Variants in PHKB observed in about 807,000 individuals in gnomAD.
The protein encoded by PHKB is phosphorylase b kinase regulatory subunit beta.
A neutral mutation model predicts 152.1 loss-of-function variants in PHKB; 122 were observed. The ratio of observed to expected loss-of-function variants is 0.80; its 90% CI spans 0.69 to 0.93. The LOEUF is 0.93. PHKB is among the 40% of genes least tolerant of loss of function. The pLI is 0.00. For synonymous variants in PHKB, 436 were observed against 464.9 expected (o/e 0.94, Z 0.80); for missense variants, 1,304 against 1,328.4 (o/e 0.98, Z 0.29).
chr16:47,588,794 C>T (rs1971978017), intron 9 of PHKB, 111 bp from the exon 10 acceptor site: 1 of 873,364 alleles, frequency 1.1e-6, no homozygotes, highest in African/African-American at 1.6e-5. Context: ...GCAGAGCGTG[C>T]TCACTTTTGA....
chr16:47,557,077 C>T (rs911704571), intron 7 of PHKB, among the ~76,000 whole-genome samples: 6 of 152,086 alleles, frequency 3.9e-5, no homozygotes, highest in Non-Finnish European at 8.8e-5. Context: ...GAAATAATGC[C>T]GCGTATCTAC....
chr16:47,556,430 T>C (rs1163545455), intron 7 of PHKB, among the ~76,000 whole-genome samples: 2 of 152,232 alleles, frequency 1.3e-5, no homozygotes, highest in Non-Finnish European at 2.9e-5. Flanking sequence ...CTTATTATTT[T>C]GAGATATGTC....
intron 7 of PHKB, among the ~76,000 whole-genome samples, chr16:47,556,088 C>T (rs12921850): frequency 6.6e-6 from 1 of 152,090 alleles, no homozygotes; most frequent in African/African-American, 2.4e-5. Flanking sequence ...TTATTGGTGT[C>T]TAAGAATGCT....
chr16:47,591,868 G>C (rs957660527), intron 10 of PHKB, among the ~76,000 whole-genome samples: 1 of 152,106 alleles, frequency 6.6e-6, no homozygotes, highest in Non-Finnish European at 1.5e-5. Flanking sequence ...CACCAAGGCT[G>C]GCAGATTTAG....
chr16:47,602,542 CTT>C (rs34655174), intron 13 of PHKB, among the ~76,000 whole-genome samples: 52 of 122,640 alleles, frequency 4.2e-4, no homozygotes, highest in African/African-American at 7.7e-4. Flanking sequence ...GCTTCTCTTC[CTT>C]TTTTTTTTTT....
At chr16:47,512,578 A>G (rs984430068) in intron 5 of PHKB, among the ~76,000 whole-genome samples, 2 of 152,228 alleles carry the variant, frequency 1.3e-5, no homozygotes, top group African/African-American at 4.8e-5. Context: ...ATGTAATTCC[A>G]AAAGGTATTT....
At chr16:47,559,926 A>G (rs1279513529) in intron 7 of PHKB, among the ~76,000 whole-genome samples, 3 of 152,130 alleles carry the variant, frequency 2.0e-5, no homozygotes, top group Non-Finnish European at 2.9e-5. Flanking sequence ...TTTCTCTCCA[A>G]AAAAAACTTT....
At position 47,547,542 on chromosome 16, in the gene PHKB, A is replaced by G. The variant is rs1017912876; in HGVS notation, c.704A>G (p.His235Arg). The change falls in exon 7 of 31, where the codon CAT becomes CGT. Residue 235 changes from histidine to arginine, a missense_variant. Transcript: ENST00000323584. Reference protein sequence around the residue: ...SKYNNGSTELHSSSVGLAKAA... With the variant: ...SKYNNGSTELRSSSVGLAKAA... ...TATAATAATGGCAGCACAGAGCTAC[A>G]TTCGAGGTAATTTGCTGATTTCTGA... 9.6e-6 allele frequency: 15 copies of G among 1,567,610 alleles called. No individual in the cohort carries two copies. The highest frequency in any genetic ancestry group is 1.2e-5 in the Non-Finnish European group (14 of 1,138,302).
At chr16:47,497,722 CTG>C (rs1054865316) in intron 2 of PHKB, among the ~76,000 whole-genome samples, 2 of 152,128 alleles carry the variant, frequency 1.3e-5, no homozygotes, top group Non-Finnish European at 2.9e-5. Flanking sequence ...CCAATATCTT[CTG>C]TGTTTTTTTA....
chr16:47,604,646 A>G (rs1029111622), intron 13 of PHKB, among the ~76,000 whole-genome samples: 1 of 152,192 alleles, frequency 6.6e-6, no homozygotes, highest in African/African-American at 2.4e-5. Flanking sequence ...TTATGACAAA[A>G]AATACTTGCT....
intron 1 of PHKB, among the ~76,000 whole-genome samples, chr16:47,497,114 CACTT>C (rs1399437224): frequency 3.3e-5 from 5 of 152,142 alleles, no homozygotes; most frequent in Admixed American, 2.0e-4. Context: ...GTATTAGTGA[CACTT>C]AGTTGTTTGG....
chr16:47,668,838 A>G (rs1169522711), intron 25 of PHKB, among the ~76,000 whole-genome samples: 2 of 152,208 alleles, frequency 1.3e-5, no homozygotes, highest in Non-Finnish European at 2.9e-5. Flanking sequence ...TCAAATACCA[A>G]ATTGTGTAGA....
At chr16:47,646,234 C>A (rs1212487642) in intron 16 of PHKB, among the ~76,000 whole-genome samples, 1 of 53,548 alleles carries the variant, frequency 1.9e-5, no homozygotes. Context: ...TTTGTAGGGA[C>A]ATGGATGAAA....
At chr16:47,486,335 A>G (rs1223001138) in intron 1 of PHKB, among the ~76,000 whole-genome samples, 1 of 152,210 alleles carries the variant, frequency 6.6e-6, no homozygotes, top group Non-Finnish European at 1.5e-5. Context: ...GTATTGGATG[A>G]CTTGTCCTTT....
At chr16:47,654,614 A>G (rs1233873186) in intron 20 of PHKB, among the ~76,000 whole-genome samples, 3 of 152,128 alleles carry the variant, frequency 2.0e-5, no homozygotes, top group African/African-American at 7.2e-5. Flanking sequence ...ATGGAATACT[A>G]TGCAGCCATA....
At chr16:47,682,434 C>T (rs1014443082) in intron 26 of PHKB, among the ~76,000 whole-genome samples, 3 of 152,144 alleles carry the variant, frequency 2.0e-5, no homozygotes, top group African/African-American at 7.2e-5. Context: ...TCACATAGTC[C>T]CATATTTCTT....
At chr16:47,681,719 T>C (rs1198721407) in intron 26 of PHKB, among the ~76,000 whole-genome samples, 4 of 152,326 alleles carry the variant, frequency 2.6e-5, no homozygotes, top group African/African-American at 7.2e-5. Context: ...CTTGACCCTT[T>C]ATCCAATTTG....
intron 27 of PHKB, among the ~76,000 whole-genome samples, chr16:47,692,871 A>G (rs1487114922): frequency 6.6e-6 from 1 of 152,190 alleles, no homozygotes; most frequent in Non-Finnish European, 1.5e-5. Flanking sequence ...TAAGGTTTAA[A>G]ATAAGGTAAT....
At chr16:47,566,077 TGCCA>T in intron 7 of PHKB, 3 of 660,422 alleles carry the variant, frequency 4.5e-6, no homozygotes, top group Admixed American at 2.4e-5. Context: ...AATGCTTTTT[TGCCA>T]TTGCCTATCT....
Sources: allele counts gnomAD v4.1 joint callset (sites outside exome capture counted in the v4.1 genomes callset), GRCh38; gene constraint gnomAD v4.1.1; transcripts MANE v1.5; gene names NCBI Gene and HGNC (gene_info 2026-07-23, HGNC 2026-07-21).